PITPNM3: variants seen among roughly 807,000 people sequenced by gnomAD.
The protein encoded by PITPNM3 is PITPNM family member 3, also known as membrane-associated phosphatidylinositol transfer protein 3.
A neutral mutation model predicts 102.0 loss-of-function variants in PITPNM3; 26 were observed. The observed-to-expected ratio is 0.25, with a 90% CI of 0.19 to 0.35. PITPNM3 has a LOEUF of 0.35. PITPNM3 is among the 10% of genes least tolerant of loss of function. The pLI, the probability that PITPNM3 is intolerant of heterozygous loss-of-function variation, is 1.00. For missense variants in PITPNM3, 1,083 were observed against 1,346.1 expected, an observed-to-expected ratio of 0.80 and a Z score of 3.06; for synonymous variants, 578 against 558.6, an observed-to-expected ratio of 1.03 and a Z score of -0.49.
At chr17:6,508,480 C>A (rs930804938) in intron 3 of PITPNM3, among the ~76,000 whole-genome samples, 1 of 152,162 alleles carries the variant, frequency 6.6e-6, no homozygotes, top group Non-Finnish European at 1.5e-5. Flanking sequence ...TCCTATTGGT[C>A]GGGGGCTTCC....
At chr17:6,544,847 CCACA>C (rs1555562250) in intron 1 of PITPNM3, among the ~76,000 whole-genome samples, 2 of 95,128 alleles carry the variant, frequency 2.1e-5, no homozygotes, top group African/African-American at 8.0e-5. Flanking sequence ...GCTCATGCAG[CCACA>C]CACACACACA....
chr17:6,473,080 T>C, intron 10 of PITPNM3: 1 of 552,310 alleles, frequency 1.8e-6, no homozygotes, highest in Non-Finnish European at 3.3e-6. Flanking sequence ...CTTTCCTTTC[T>C]CTGAGCCTTT....
chr17:6,496,650 G>A (rs546231313), intron 4 of PITPNM3, among the ~76,000 whole-genome samples: 1 of 152,232 alleles, frequency 6.6e-6, no homozygotes, highest in Non-Finnish European at 1.5e-5. Flanking sequence ...ATCCTTAAGG[G>A]CTGGGACTGG....
intron 3 of PITPNM3, among the ~76,000 whole-genome samples, chr17:6,516,939 A>G (rs1392620436): frequency 6.6e-6 from 1 of 152,218 alleles, no homozygotes; most frequent in Non-Finnish European, 1.5e-5. Context: ...TATTACTCAC[A>G]AAGGAATGAG....
Position 6,455,543 on chromosome 17 carries a change from C to T in PITPNM3, c.2720G>A (p.Ser907Asn). Residue 907 changes from serine to asparagine, a missense_variant, in exon 20 of 20, where the codon AGC becomes AAC. Around this residue, in one of 5 missense-constraint regions of PITPNM3, gnomAD observed 208 missense variants for 178.2 expected, o/e 1.17. Transcript: ENST00000262483. ...CTCTGGCTGCGCGTGCAGCCCGAAG[C>T]TGCCCTTGCGCAGGATCATGCGCGA... ...NNSRMILRKG[S>N]FGLHAQPEFL... is the part of the protein sequence containing the mutation. 6.2e-7 allele frequency: 1 copy of T among 1,604,328 alleles called. No individual in the cohort carries two copies. The highest frequency in any genetic ancestry group is 8.5e-7 in the Non-Finnish European group (1 of 1,179,516).
chr17:6,478,500 G>A lies in PITPNM3; in HGVS notation c.777+47C>T, dbSNP rs369825968. The A allele has an allele frequency of 2.7e-4, 438 of 1,604,098 alleles. No homozygotes were observed. Among genetic ancestry groups the A allele is most frequent in the Non-Finnish European group, 3.4e-4 (402 of 1,172,014 alleles). ...AGATTCCAGCCTCTCTCCCAGGCCG[G>A]GGCCGGAACAGGGGAGGGGAGAGGA... On this transcript the variant is annotated intron_variant, in intron 7 of 19. Coordinates refer to ENST00000262483, the MANE Select transcript of PITPNM3 (RefSeq NM_031220.4). This position sits in a 1 kb window ranked among gnomAD's most constrained non-coding sequence, Gnocchi z 4.4.
intron 1 of PITPNM3, among the ~76,000 whole-genome samples, chr17:6,545,960 G>A (rs1910001046): frequency 6.6e-6 from 1 of 152,202 alleles, no homozygotes; most frequent in African/African-American, 2.4e-5. Flanking sequence ...CCAGCAGAGG[G>A]GAGATCTTAG....
intron 3 of PITPNM3, chr17:6,521,445 T>G: frequency 6.6e-6 from 1 of 152,122 alleles, no homozygotes; most frequent in Non-Finnish European, 1.5e-5. Flanking sequence ...TGGTAAATTT[T>G]ATGTTATGCA....
intron 2 of PITPNM3, among the ~76,000 whole-genome samples, chr17:6,530,119 A>C (rs1909064274): frequency 6.6e-6 from 1 of 152,220 alleles, no homozygotes; most frequent in Non-Finnish European, 1.5e-5. Flanking sequence ...GAGACCCAAG[A>C]CTTGCCTGAG....
At position 6,483,514 on chromosome 17, in the gene PITPNM3, C is replaced by T; in HGVS notation, c.587+3G>A. 6.2e-7 allele frequency: 1 copy of T among 1,611,982 alleles called. No homozygotes were observed. Among genetic ancestry groups the T allele is most frequent in the South Asian group, 1.1e-5 (1 of 90,850 alleles). ...CAGTTCAAACAAGCAGAAATGGACT[C>T]ACTGAGAGACAAGCGAGAAAGCCTC... On this transcript the variant is annotated splice_donor_region_variant and intron_variant, in intron 6 of 19. Transcript: ENST00000262483.
intron 15 of PITPNM3, among the ~76,000 whole-genome samples, 157 bp from the exon 16 acceptor site, chr17:6,464,475 C>T (rs531488650): frequency 1.1e-4 from 17 of 152,294 alleles, no homozygotes; most frequent in African/African-American, 3.6e-4. Context: ...ACTCTGAGCC[C>T]ATCCTTTCCT....
chr17:6,455,408 T>C lies in PITPNM3; in HGVS notation c.2855A>G (p.Lys952Arg). The change falls in exon 20 of 20, where the codon AAA becomes AGA. Residue 952 changes from lysine to arginine, a missense_variant. Around this residue, in one of 5 missense-constraint regions of PITPNM3, gnomAD observed 208 missense variants for 178.2 expected, o/e 1.17. Coordinates refer to ENST00000262483, the MANE Select transcript of PITPNM3 (RefSeq NM_031220.4). Reference sequence around the variant, plus strand: ...CGCCGGCAGCGGCCGCTCGTGGTCTTTGTCCGACTCGGGCTGGCTCTGGGC... The same window carrying C: ...CGCCGGCAGCGGCCGCTCGTGGTCTCTGTCCGACTCGGGCTGGCTCTGGGC... ...ERAQSQPESD[K>R]DHERPLPALS... 3 of 1,601,798 alleles carry C rather than the reference T, an allele frequency of 1.9e-6. No individual in the cohort carries two copies. Among genetic ancestry groups the C allele is most frequent in the Non-Finnish European group, 2.5e-6 (3 of 1,176,936 alleles).
At chr17:6,474,326 C>T in intron 10 of PITPNM3, 106 bp downstream of exon 10, 1 of 1,430,528 alleles carries the variant, frequency 7.0e-7, no homozygotes, top group South Asian at 1.2e-5. Flanking sequence ...AACTCTGTGA[C>T]CCTCCCTGCC....
At chr17:6,515,483 T>C (rs1908116646) in intron 3 of PITPNM3, among the ~76,000 whole-genome samples, 1 of 151,760 alleles carries the variant, frequency 6.6e-6, no homozygotes, top group Non-Finnish European at 1.5e-5. Flanking sequence ...TTCATGAATA[T>C]ACTAAAACCA....
chr17:6,478,395 A>T lies in PITPNM3; in HGVS notation c.777+152T>A, dbSNP rs1905447686. On this transcript the variant is annotated intron_variant, in intron 7 of 19. Coordinates refer to ENST00000262483, the MANE Select transcript of PITPNM3 (RefSeq NM_031220.4). The surrounding 1 kb of genome is among the most constrained non-coding windows in gnomAD (Gnocchi z 4.4). ...CCTCTGTTTTTCTATCTGTAAAATG[A>T]GGGCTAACTCAGAGATCTCAAAAGC... 7 of 1,012,200 alleles carry T rather than the reference A, an allele frequency of 6.9e-6. No individual in the cohort carries two copies. Among genetic ancestry groups the T allele is most frequent in the Middle Eastern group, 5.6e-4 (2 of 3,562 alleles). The allele number at this position is 1,012,200 out of a possible 1,614,324, so 62.7% of individuals were successfully genotyped here.
chr17:6,466,950 G>A (rs1474741552), intron 14 of PITPNM3, among the ~76,000 whole-genome samples: 1 of 151,718 alleles, frequency 6.6e-6, no homozygotes, highest in Non-Finnish European at 1.5e-5. Flanking sequence ...TGTAATCCCA[G>A]CTACTTGGGA....
Position 6,457,454 on chromosome 17 carries a change from C to T in PITPNM3, c.2619+140G>A, listed in dbSNP as rs1272768849. ...CAGGCCCTGGCCCAAGGCAGGCACC[C>T]CGAAGTGTTTGTTGAATAAATGAAT... On this transcript the variant is annotated intron_variant, in intron 19 of 19. Coordinates refer to ENST00000262483, the MANE Select transcript of PITPNM3 (RefSeq NM_031220.4). This position sits in a 1 kb window ranked among gnomAD's most constrained non-coding sequence, Gnocchi z 4.7. The T allele has an allele frequency of 4.3e-6, 6 of 1,402,476 alleles. No homozygotes were observed. In the East Asian group the frequency reaches 1.5e-4, roughly 35 times the overall value. The allele number at this position is 1,402,476 out of a possible 1,614,324, so 86.9% of individuals were successfully genotyped here.
chr17:6,546,725 G>A (rs1910037516), intron 1 of PITPNM3, among the ~76,000 whole-genome samples: 1 of 152,170 alleles, frequency 6.6e-6, no homozygotes, highest in Non-Finnish European at 1.5e-5. Context: ...TCTGTACAGG[G>A]CAGCTGTGGT....
chr17:6,463,639 C>A, intron 17 of PITPNM3, 93 bp downstream of exon 17: 4 of 1,507,032 alleles, frequency 2.7e-6, no homozygotes, highest in Non-Finnish European at 3.6e-6. Flanking sequence ...CGGTAGAATT[C>A]CTACAGCAAA....
Sources: gnomAD v4.1 joint callset for allele counts (sites outside exome capture counted in the v4.1 genomes callset) on GRCh38, gnomAD v4.1.1 for gene constraint, gnomAD v4.1.1 regional missense constraint, Gnocchi (gnomAD v3.1) non-coding constraint, MANE v1.5 for transcripts, NCBI Gene and HGNC (gene_info 2026-07-23, HGNC 2026-07-21) for gene names.